The following GSN variants were observed in gnomAD, a reference collection of about 807,000 sequenced individuals.
GSN encodes the protein gelsolin, also known as actin-depolymerizing factor.
A neutral mutation model predicts 85.7 loss-of-function variants in GSN; 56 were observed. That is an observed-to-expected ratio of 0.65 (90% CI 0.53 to 0.82). The LOEUF is 0.82. Ranked by LOEUF, GSN falls within the 40% of genes least tolerant of loss-of-function variation. The pLI is 0.00. For missense variants in GSN, 857 were observed against 979.8 expected (o/e 0.87, Z 1.67); for synonymous variants, 373 against 399.1 (o/e 0.93, Z 0.78).
At chr9:121,227,941 G>C (rs2054301858) in intron 4 of GSN, among the ~76,000 whole-genome samples, 2 of 152,110 alleles carry the variant, frequency 1.3e-5, no homozygotes, top group Non-Finnish European at 2.9e-5. Context: ...CCGGGGCCAG[G>C]AATGCACTAC....
intron 5 of GSN, chr9:121,311,398 C>A (rs1216562081): frequency 5.7e-6 from 1 of 176,268 alleles, no homozygotes; most frequent in Non-Finnish European, 1.2e-5. Context: ...TACCCCAAAG[C>A]TCATATGCTT....
rs771881247 is a variant in GSN, at chr9:121,317,214, G to C, written c.882G>C (p.Trp294Cys). 6.2e-7 allele frequency: 1 copy of C among 1,614,156 alleles called. No homozygotes were observed. The highest frequency in any genetic ancestry group is 1.1e-5 in the South Asian group (1 of 91,086). ...DHGKDGKIFV[W>C]KGKQANTEER... is the part of the protein sequence containing the mutation. ...GCAAAGATGGGAAAATCTTTGTCTG[G>C]AAAGGTACTGGAGACAGGGAAAGGG... Residue 294 changes from tryptophan (W) to cysteine (C), a missense_variant, in exon 8 of 18, where the codon TGG (tryptophan) becomes TGC (cysteine). By Grantham distance (215) the Trp-to-Cys change is radical. Transcript: ENST00000432226.
At position 121,279,077 on chromosome 9, in the gene GSN, CT is replaced by C. The variant is rs566992896; in HGVS notation, c.-102-2391del. The stretch of plus-strand genomic sequence containing the variant: ...ACATGGGAGCAATTGGGGAGGCTGA[CT>C]TGCAAATAGACTATTACAGTAGAGT... On this transcript the variant is annotated intron_variant, in intron 1 of 17. Transcript: ENST00000432226. Among the ~76,000 whole-genome samples the C allele has an allele frequency of 1.7e-4, 26 of 152,292 alleles. 1 individual carries two copies. In the South Asian group the frequency reaches 5.4e-3, roughly 32 times the overall value.
upstream of GSN, among the ~76,000 whole-genome samples, chr9:121,267,817 T>C (rs1038222344): frequency 2.0e-5 from 3 of 151,852 alleles, no homozygotes; most frequent in Non-Finnish European, 2.9e-5. Flanking sequence ...TAGTTGAGCA[T>C]TGCTCGCTTG....
chr9:121,269,946 A>G (rs1418872679), intron 1 of GSN, among the ~76,000 whole-genome samples: 2 of 152,192 alleles, frequency 1.3e-5, no homozygotes, highest in African/African-American at 4.8e-5. Flanking sequence ...GAGCCTTGGA[A>G]GAGGACAGAG....
rs1254137395 is a variant in GSN at position 121,329,917 on chromosome 9, C to T, written c.1965+602C>T. On this transcript the variant is annotated intron_variant, in intron 16 of 17. Coordinates refer to ENST00000432226, the MANE Select transcript of GSN (RefSeq NM_198252.3). This position sits in a 1 kb window ranked among gnomAD's most constrained non-coding sequence, Gnocchi z 4.6. ...TTCCTGCTCTCCCAGGGCTTACGTT[C>T]TCACAGGGGTGTCAGGTCAGTCACC... Among the ~76,000 whole-genome samples, 1 of 152,230 alleles carries T rather than the reference C, an allele frequency of 6.6e-6. No homozygotes were observed. Among genetic ancestry groups the T allele is most frequent in the East Asian group, 1.9e-4 (1 of 5,198 alleles).
At chr9:121,258,075 T>C (rs1353986475) in intron 6 of GSN, among the ~76,000 whole-genome samples, 1 of 152,244 alleles carries the variant, frequency 6.6e-6, no homozygotes, top group African/African-American at 2.4e-5. Context: ...GTGTGCTGAC[T>C]ACCCATCCGG....
chr9:121,319,077 G>A (rs1195162506), intron 10 of GSN, among the ~76,000 whole-genome samples, 197 bp downstream of exon 10: 2 of 152,220 alleles, frequency 1.3e-5, no homozygotes, highest in South Asian at 2.1e-4. Context: ...GCCCCACCTT[G>A]CCCCGAGGAG....
chr9:121,305,306 A>G (rs906198939), intron 4 of GSN, among the ~76,000 whole-genome samples: 6 of 152,194 alleles, frequency 3.9e-5, no homozygotes, highest in Non-Finnish European at 8.8e-5. Flanking sequence ...GGAGCAAACT[A>G]ACTTGCCTAA....
At chr9:121,320,694 A>G (rs1440297984) in intron 10 of GSN, among the ~76,000 whole-genome samples, 1 of 151,906 alleles carries the variant, frequency 6.6e-6, no homozygotes, top group Non-Finnish European at 1.5e-5. Context: ...CAGGCAGCTC[A>G]GTAACAATAG....
intron 5 of GSN, among the ~76,000 whole-genome samples, chr9:121,231,644 A>T (rs1298421041): frequency 6.6e-6 from 1 of 152,238 alleles, no homozygotes; most frequent in African/African-American, 2.4e-5. Context: ...AAAGTGCTGC[A>T]AATTTTCAAC....
In GSN at chr9:121,317,398, C is replaced by T. The variant is rs554680668; in HGVS notation, c.886+180C>T. 131 of 674,086 alleles carry T rather than the reference C, an allele frequency of 1.9e-4. No homozygotes were observed. In the African/African-American group the frequency reaches 2.2e-3, roughly 11 times the overall value. The allele number at this position is 674,086 out of a possible 1,614,324, so 41.8% of individuals were successfully genotyped here. A position where few individuals can be genotyped will look rare whatever the true frequency, so the allele number is the denominator to read the frequency against. ...ATACTGTGTGATCTTGGGCACTTTA[C>T]TTACCCTTTCTGGGCCTCAGATTCC... On this transcript the variant is annotated intron_variant, in intron 8 of 17. Coordinates refer to ENST00000432226, the MANE Select transcript of GSN (RefSeq NM_198252.3).
intron 4 of GSN, among the ~76,000 whole-genome samples, chr9:121,215,226 C>CA (rs2054040312): frequency 7.6e-6 from 1 of 131,094 alleles, no homozygotes. Context: ...CCCCCCCCCC[C>CA]ACACTCATAT....
chr9:121,306,833 T>C (rs2060466052), intron 4 of GSN, among the ~76,000 whole-genome samples: 1 of 152,056 alleles, frequency 6.6e-6, no homozygotes, highest in African/African-American at 2.4e-5. Context: ...ACCAGTAAAA[T>C]TAGAGGAGTT....
intron 4 of GSN, among the ~76,000 whole-genome samples, chr9:121,307,244 T>C (rs1391034922): frequency 6.6e-6 from 1 of 152,198 alleles, no homozygotes; most frequent in African/African-American, 2.4e-5. Flanking sequence ...ATTTATGACA[T>C]GAAGCAACCC....
intron 4 of GSN, 109 bp from the exon 5 acceptor site, chr9:121,310,575 C>G (rs2060988520): frequency 5.1e-6 from 5 of 988,082 alleles, no homozygotes; most frequent in Non-Finnish European, 7.9e-6. Context: ...GCTGGAAAGC[C>G]CCTGGTCCAC....
chr9:121,294,205 T>C (rs1237248438), intron 2 of GSN, among the ~76,000 whole-genome samples: 1 of 152,208 alleles, frequency 6.6e-6, no homozygotes, highest in Non-Finnish European at 1.5e-5. Flanking sequence ...CTCTCCAAAG[T>C]CTTCTGCTGG....
At chr9:121,249,992 G>A (rs527448542) in intron 6 of GSN, among the ~76,000 whole-genome samples, 2 of 152,242 alleles carry the variant, frequency 1.3e-5, no homozygotes, top group East Asian at 1.9e-4. Flanking sequence ...GAAGAAAGAG[G>A]GCTGTGTGGT....
At chr9:121,254,373 C>T (rs1299704654) in intron 6 of GSN, among the ~76,000 whole-genome samples, 1 of 152,224 alleles carries the variant, frequency 6.6e-6, no homozygotes, top group African/African-American at 2.4e-5. Flanking sequence ...TTTACAGAGT[C>T]TCTCAGTCCT....
Sources: gnomAD v4.1 joint callset for allele counts (sites outside exome capture counted in the v4.1 genomes callset) on GRCh38, gnomAD v4.1.1 for gene constraint, Gnocchi (gnomAD v3.1) non-coding constraint, MANE v1.5 for transcripts, NCBI Gene and HGNC (gene_info 2026-07-23, HGNC 2026-07-21) for gene names.